NACC2: variants seen among roughly 807,000 people sequenced by gnomAD.
NACC2 encodes nucleus accumbens-associated protein 2.
In NACC2, 8 loss-of-function variants were observed where a neutral mutation model predicts 25.1. The observed-to-expected ratio is 0.32, with a 90% CI of 0.19 to 0.57. NACC2 has a LOEUF of 0.57. Ranked by LOEUF, NACC2 falls within the 20% of genes least tolerant of loss-of-function variation. The pLI is 0.89. For synonymous variants in NACC2, 435 were observed against 294.7 expected, an observed-to-expected ratio of 1.48 and a Z score of -4.88; for missense variants, 644 against 650.2, an observed-to-expected ratio of 0.99 and a Z score of 0.10.
chr9:136,033,623 C>T (rs1343302479), intron 2 of NACC2, among the ~76,000 whole-genome samples: 515 of 119,672 alleles, frequency 4.3e-3, no homozygotes, highest in Non-Finnish European at 6.3e-3. Context: ...CACTCCAGCC[C>T]GGGGGACAGA....
At position 136,050,018 on chromosome 9, in the gene NACC2, C is replaced by T. The variant is rs1201501131; in HGVS notation, c.504G>A (p.Pro168=). Reference sequence around the variant, plus strand: ...CTTCATGCTTTACTCGGGTCAGCAGCGGGATGGGCACCGAGGGGGACACGA... The same window carrying T: ...CTTCATGCTTTACTCGGGTCAGCAGTGGGATGGGCACCGAGGGGGACACGA... The part of the protein sequence containing the change: ...PYVVSPSVPI[P]LLTRVKHEAM... The change falls in exon 2 of 6, where the codon CCG becomes CCA. Residue 168 remains proline (P), a synonymous_variant. Transcript: ENST00000277554. 2.9e-6 allele frequency: 2 copies of T among 693,168 alleles called. No homozygotes were observed. The highest frequency in any genetic ancestry group is 1.7e-5 in the African/African-American group (1 of 57,420). The allele number at this position is 693,168 out of a possible 1,614,324, so 42.9% of individuals were successfully genotyped here. A position where few individuals can be genotyped will look rare whatever the true frequency, so the allele number is the denominator to read the frequency against.
At chr9:136,087,089 G>C (rs975735266) in intron 1 of NACC2, among the ~76,000 whole-genome samples, 11 of 152,232 alleles carry the variant, frequency 7.2e-5, no homozygotes, top group African/African-American at 2.7e-4. Flanking sequence ...GAAGGTGGCC[G>C]TGTGAGGACG....
intron 2 of NACC2, among the ~76,000 whole-genome samples, chr9:136,017,957 C>G (rs1840227610): frequency 6.6e-6 from 1 of 152,190 alleles, no homozygotes; most frequent in Admixed American, 6.5e-5. Flanking sequence ...CTGGACCTTG[C>G]TTGCCGAGGG....
At chr9:136,060,847 G>T (rs1055224697) in intron 1 of NACC2, among the ~76,000 whole-genome samples, 2 of 152,230 alleles carry the variant, frequency 1.3e-5, no homozygotes, top group African/African-American at 4.8e-5. Context: ...GCTATCCAGG[G>T]ATCTGCCAGC....
chr9:136,045,234 C>T (rs939709242), intron 2 of NACC2, among the ~76,000 whole-genome samples: 15 of 151,776 alleles, frequency 9.9e-5, no homozygotes, highest in Non-Finnish European at 2.1e-4. Context: ...CCGGGTGGAC[C>T]CCAGAGAGGT....
In NACC2 at chr9:136,049,511, G is replaced by A. The variant is rs1336511980; in HGVS notation, c.886+125C>T. 3 of 610,170 alleles carry A rather than the reference G, an allele frequency of 4.9e-6. No individual in the cohort carries two copies. The East Asian group carries it at 8.4e-5, about 17-fold the overall frequency. The allele number at this position is 610,170 out of a possible 1,614,324, so 37.8% of individuals were successfully genotyped here. ...GAACAGAGCTCTGCCACCTCCTCCAGGCTTGGTGGGGGGCTCCCCTGTGGC... is the reference window on the plus strand; with the variant it reads ...GAACAGAGCTCTGCCACCTCCTCCAAGCTTGGTGGGGGGCTCCCCTGTGGC... On this transcript the variant is annotated intron_variant, in intron 2 of 5. Coordinates refer to ENST00000277554, the MANE Select transcript of NACC2 (RefSeq NM_144653.5).
rs1414129026 is a variant in NACC2, at chr9:136,086,666, A to T, written c.-60+8523T>A. Among the ~76,000 whole-genome samples the T allele has an allele frequency of 2.0e-5, 3 of 152,188 alleles. No homozygotes were observed. Among genetic ancestry groups the T allele is most frequent in the African/African-American group, 7.2e-5 (3 of 41,440 alleles). On this transcript the variant is annotated intron_variant, in intron 1 of 5. Transcript: ENST00000277554. The surrounding 1 kb of genome is among the most constrained non-coding windows in gnomAD (Gnocchi z 5.6). ...TAACACGAATCCTGTTCCCAAACTT[A>T]CATAACCGCAGATGACAACGCCGAC... is the stretch of plus-strand genomic sequence containing the variant.
At chr9:136,063,355 T>C (rs2385188) in intron 1 of NACC2, among the ~76,000 whole-genome samples, 48,209 of 152,180 alleles carry the variant, frequency 0.32, 8,180 homozygotes, top group South Asian at 0.54. Context: ...GCTCGAGTCC[T>C]GTGCCTATTG....
intron 1 of NACC2, among the ~76,000 whole-genome samples, chr9:136,061,845 C>T (rs991715383): frequency 9.9e-5 from 15 of 152,242 alleles, no homozygotes; most frequent in East Asian, 7.7e-4. Flanking sequence ...GGTGGCCGGG[C>T]GCGGTGGCTC....
Position 136,011,357 on chromosome 9 carries a change from T to G in NACC2, c.*159A>C. On this transcript the variant is annotated 3_prime_UTR_variant, in exon 6 of 6. Coordinates refer to ENST00000277554, the MANE Select transcript of NACC2 (RefSeq NM_144653.5). ...TTTACAGTATAATGAATGCATTTGTTTCCTTCATCAATTTTAAATACAAGC... is the reference window on the plus strand; with the variant it reads ...TTTACAGTATAATGAATGCATTTGTGTCCTTCATCAATTTTAAATACAAGC... The G allele has an allele frequency of 7.1e-6, 6 of 840,738 alleles. No homozygotes were observed. The highest frequency in any genetic ancestry group is 1.8e-5 in the African/African-American group (1 of 56,970). The allele number at this position is 840,738 out of a possible 1,614,324, so 52.1% of individuals were successfully genotyped here.
intron 1 of NACC2, among the ~76,000 whole-genome samples, chr9:136,082,753 C>G (rs1830337196): frequency 6.6e-6 from 1 of 152,224 alleles, no homozygotes; most frequent in Non-Finnish European, 1.5e-5. Context: ...ACAGCCCCCT[C>G]TCCCCGGCGG....
Position 136,007,407 on chromosome 9 carries a change from GCA to G in NACC2, c.*4107_*4108del, listed in dbSNP as rs56162840. 2.4e-4 allele frequency: 36 copies of G among 150,272 alleles called. No individual in the cohort carries two copies. The highest frequency in any genetic ancestry group is 1.6e-3 in the Middle Eastern group (3 of 1,912). 9.3% of individuals were successfully genotyped at this position (150,272 alleles called of 1,614,324 possible). ...GACACGCGTGCAGAGACACGCACGT[GCA>G]CACAGACGCGCGTGCACACATACAC... On this transcript the variant is annotated 3_prime_UTR_variant, in exon 6 of 6. Coordinates refer to ENST00000277554, the MANE Select transcript of NACC2 (RefSeq NM_144653.5).
chr9:136,033,349 AAAATG>A (rs1001390691), intron 2 of NACC2, among the ~76,000 whole-genome samples: 43 of 152,204 alleles, frequency 2.8e-4, no homozygotes, highest in Admixed American at 2.5e-3. Context: ...TTCAAATTAA[AAAATG>A]AACTTCTGGC....
chr9:136,041,606 G>A (rs1194655488), intron 2 of NACC2, among the ~76,000 whole-genome samples: 1 of 152,094 alleles, frequency 6.6e-6, no homozygotes. Context: ...GGGAATACGG[G>A]GAAATAGAAA....
intron 2 of NACC2, among the ~76,000 whole-genome samples, chr9:136,048,087 G>T (rs1307499751): frequency 6.6e-6 from 1 of 152,138 alleles, no homozygotes; most frequent in Non-Finnish European, 1.5e-5. Context: ...GGCTGCCATT[G>T]TCGGCAGGGC....
At chr9:136,057,655 C>T (rs941032810) in intron 1 of NACC2, among the ~76,000 whole-genome samples, 1 of 152,268 alleles carries the variant, frequency 6.6e-6, no homozygotes, top group African/African-American at 2.4e-5. Flanking sequence ...GGGCCCCCTC[C>T]TCCCCCAGGG....
chr9:136,056,254 G>A (rs1219715664), intron 1 of NACC2, among the ~76,000 whole-genome samples: 2 of 152,208 alleles, frequency 1.3e-5, no homozygotes, highest in African/African-American at 2.4e-5. Flanking sequence ...GGGCTGCCCG[G>A]AGGCCTGGCT....
chr9:136,075,323 G>T (rs1050054842), intron 1 of NACC2, among the ~76,000 whole-genome samples: 3 of 152,230 alleles, frequency 2.0e-5, no homozygotes, highest in Admixed American at 2.0e-4. Context: ...TGGGATACTT[G>T]GGGGGAAAGC....
At position 136,018,905 on chromosome 9, in the gene NACC2, T is replaced by A. The variant is rs986937335; in HGVS notation, c.887-2476A>T. Among the ~76,000 whole-genome samples the A allele has an allele frequency of 9.9e-5, 15 of 151,774 alleles. No individual in the cohort carries two copies. The highest frequency in any genetic ancestry group is 3.4e-3 in the Middle Eastern group (1 of 294). Reference sequence around the variant, plus strand: ...GTTCACCAACAGAAATAATTCCCCATCCACAACCACCTCGTCTCGAGATGT... The same window carrying A: ...GTTCACCAACAGAAATAATTCCCCAACCACAACCACCTCGTCTCGAGATGT... On this transcript the variant is annotated intron_variant, in intron 2 of 5. Transcript: ENST00000277554. This position sits in a 1 kb window ranked among gnomAD's most constrained non-coding sequence, Gnocchi z 4.4.
Sources: allele counts gnomAD v4.1 joint callset (sites outside exome capture counted in the v4.1 genomes callset), GRCh38; gene constraint gnomAD v4.1.1; non-coding constraint Gnocchi (gnomAD v3.1); transcripts MANE v1.5; gene names NCBI Gene and HGNC (gene_info 2026-07-23, HGNC 2026-07-21).